Variants in NUMB observed in about 807,000 individuals in gnomAD.
NUMB encodes protein numb homolog.
NUMB carries 29 observed loss-of-function variants against 59.7 expected under a neutral mutation model. The ratio of observed to expected loss-of-function variants is 0.49; its 90% CI spans 0.36 to 0.66. The LOEUF (loss-of-function observed/expected upper bound fraction) is 0.66. Ranked by LOEUF, NUMB falls within the 30% of genes least tolerant of loss-of-function variation. The pLI is 0.00. For missense variants in NUMB, 723 were observed against 822.0 expected, an observed-to-expected ratio of 0.88 and a Z score of 1.47; for synonymous variants, 288 against 288.2, an observed-to-expected ratio of 1.00 and a Z score of 0.01.
At chr14:73,385,847 G>C (rs1272938898) in intron 2 of NUMB, among the ~76,000 whole-genome samples, 2 of 152,116 alleles carry the variant, frequency 1.3e-5, no homozygotes, top group Non-Finnish European at 2.9e-5. Context: ...AACTTGGATG[G>C]TAGTAATGAT....
At chr14:73,393,745 A>T (rs1015446052) in intron 2 of NUMB, among the ~76,000 whole-genome samples, 2 of 152,210 alleles carry the variant, frequency 1.3e-5, no homozygotes, top group Admixed American at 6.5e-5. Flanking sequence ...CTAATCTAAT[A>T]AAAGTCTTTA....
chr14:73,417,623 T>C (rs1278667921), intron 1 of NUMB, among the ~76,000 whole-genome samples: 1 of 151,958 alleles, frequency 6.6e-6, no homozygotes, highest in Non-Finnish European at 1.5e-5. Context: ...GTAAAGCATA[T>C]GGTGGTTACT....
intron 9 of NUMB, among the ~76,000 whole-genome samples, chr14:73,285,858 G>A (rs58992860): frequency 0.064 from 9,681 of 151,316 alleles, 763 homozygotes; most frequent in African/African-American, 0.18. Context: ...CCCAGGAGGT[G>A]AAGGCGGCAG....
At chr14:73,340,553 G>T (rs1226273986) in intron 4 of NUMB, among the ~76,000 whole-genome samples, 1 of 152,144 alleles carries the variant, frequency 6.6e-6, no homozygotes, top group Non-Finnish European at 1.5e-5. Context: ...GATTTTGTCT[G>T]TTCTCTGCTT....
chr14:73,287,303 C>T lies in NUMB; in HGVS notation c.462G>A (p.Leu154=). ...CAAAAGCACAGCCTACTGCATGGCT[C>T]AACCTTTCACCCTGTAAGAGCAGAT... ...FMAVKDTGER[L]SHAVGCAFAA... The change falls in exon 9 of 13, where the codon TTG becomes TTA. Residue 154 remains leucine (L), a synonymous_variant. Transcript: ENST00000555238. 5 of 1,612,102 alleles carry T rather than the reference C, an allele frequency of 3.1e-6. No individual in the cohort carries two copies. Among genetic ancestry groups the T allele is most frequent in the Non-Finnish European group, 4.2e-6 (5 of 1,178,600 alleles).
At chr14:73,414,018 G>A (rs963508421) in intron 1 of NUMB, among the ~76,000 whole-genome samples, 3 of 149,298 alleles carry the variant, frequency 2.0e-5, no homozygotes, top group Non-Finnish European at 3.0e-5. Context: ...GCAGTGGCAC[G>A]ATCTCAGCTC....
rs559298407 is a variant in NUMB at position 73,368,561 on chromosome 14, C to A, written c.-100-1580G>T. On this transcript the variant is annotated intron_variant, in intron 2 of 12. Transcript: ENST00000555238. ...TCGCGCCATTGCACTCCAGCCTGGG[C>A]AACAAGAGCAAGACTCCGTCTCCAA... is the stretch of plus-strand genomic sequence containing the variant. 2.7e-5 allele frequency among the ~76,000 whole-genome samples: 4 copies of A among 148,208 alleles called. No homozygotes were observed. The South Asian group carries it at 6.4e-4, about 24-fold the overall frequency.
In NUMB at chr14:73,323,153, C is replaced by G. The variant is rs1324374861; in HGVS notation, c.178G>C (p.Asp60His). 1 of 1,613,358 alleles carries G rather than the reference C, an allele frequency of 6.2e-7. No individual in the cohort carries two copies. The highest frequency in any genetic ancestry group is 8.5e-7 in the Non-Finnish European group (1 of 1,179,554). Residue 60 changes from aspartate (D) to histidine (H), a missense_variant, in exon 5 of 13, where the codon GAT becomes CAT. By Grantham distance (81) the Asp-to-His change is moderately conservative (BLOSUM62 -1). Around this residue, in one of 2 missense-constraint regions of NUMB, gnomAD observed 317 missense variants for 436.6 expected, o/e 0.73. Transcript: ENST00000555238. ...DESRGMHICE[D>H]AVKRLKAERK... ...ACAGCTTTCAATCTTTTTACAGCATCTTCACAGATGTGCATTCCTCTTGAT... is the reference window on the plus strand; with the variant it reads ...ACAGCTTTCAATCTTTTTACAGCATGTTCACAGATGTGCATTCCTCTTGAT...
chr14:73,402,740 T>C (rs1896479998), intron 2 of NUMB, among the ~76,000 whole-genome samples: 1 of 152,198 alleles, frequency 6.6e-6, no homozygotes. Context: ...GCTTATAAAC[T>C]CAGTAACTTG....
chr14:73,372,313 A>ATATATATATATATATATAACCTTT (rs1566766421), intron 2 of NUMB, among the ~76,000 whole-genome samples: 16 of 98,704 alleles, frequency 1.6e-4, no homozygotes, highest in African/African-American at 6.9e-4. Flanking sequence ...TTTTATATAT[A>ATATATATATATATATATAACCTTT]TATATATATA....
chr14:73,284,799 T>C (rs1566725638), intron 9 of NUMB: 1 of 153,748 alleles, frequency 6.5e-6, no homozygotes, highest in Non-Finnish European at 1.4e-5. Context: ...ATATCTTTGA[T>C]TAGGTGTCAA....
In NUMB at chr14:73,283,151, C is replaced by T. The variant is rs555653836; in HGVS notation, c.950-646G>A. Among the ~76,000 whole-genome samples, 4 of 152,308 alleles carry T rather than the reference C, an allele frequency of 2.6e-5. No individual in the cohort carries two copies. In the East Asian group the frequency reaches 7.7e-4, roughly 29 times the overall value. On this transcript the variant is annotated intron_variant, in intron 10 of 12. Coordinates refer to ENST00000555238, the MANE Select transcript of NUMB (RefSeq NM_001005743.2). ...TCACTGAGGAAGCTAATTATGTGTG[C>T]TAAAGCTCTGTTTGCTCATCTGTAA...
chr14:73,286,234 G>A (rs1229483463), intron 9 of NUMB: 4 of 106,526 alleles, frequency 3.8e-5, no homozygotes, highest in Admixed American at 2.8e-4. Flanking sequence ...AAGGGATAGA[G>A]TCTATGTTGC....
chr14:73,328,611 T>G (rs375041274), intron 4 of NUMB, among the ~76,000 whole-genome samples: 1 of 152,250 alleles, frequency 6.6e-6, no homozygotes, highest in South Asian at 2.1e-4. Flanking sequence ...AATAGGTACA[T>G]AGTGGTATCT....
At chr14:73,328,906 G>A (rs1030036514) in intron 4 of NUMB, among the ~76,000 whole-genome samples, 5 of 152,008 alleles carry the variant, frequency 3.3e-5, no homozygotes, top group South Asian at 4.1e-4. Flanking sequence ...TCGTTCTGTC[G>A]CCCAGGCTGG....
chr14:73,435,602 T>C (rs1898022604), intron 1 of NUMB, among the ~76,000 whole-genome samples: 1 of 151,644 alleles, frequency 6.6e-6, no homozygotes, highest in African/African-American at 2.4e-5. Flanking sequence ...TAAACACACA[T>C]GTGCCCTGTG....
At chr14:73,324,369 A>G (rs1018442093) in intron 4 of NUMB, among the ~76,000 whole-genome samples, 26 of 152,066 alleles carry the variant, frequency 1.7e-4, no homozygotes, top group African/African-American at 6.0e-4. Context: ...TTCAAGTTTG[A>G]TATTTTGTGA....
intron 1 of NUMB, among the ~76,000 whole-genome samples, chr14:73,451,179 A>AAAAAC (rs1566804087): frequency 6.7e-6 from 1 of 148,856 alleles, no homozygotes; most frequent in Non-Finnish European, 1.5e-5. Flanking sequence ...AAAAAACAAA[A>AAAAAC]AACAAATCTA....
intron 6 of NUMB, among the ~76,000 whole-genome samples, chr14:73,299,607 CAT>C (rs1409942000): frequency 1.5e-4 from 22 of 150,016 alleles, no homozygotes; most frequent in African/African-American, 4.0e-4. Flanking sequence ...TATGATATGA[CAT>C]ATATATGTCA....
Sources: allele counts gnomAD v4.1 joint callset (sites outside exome capture counted in the v4.1 genomes callset), GRCh38; gene constraint gnomAD v4.1.1; regional missense constraint gnomAD v4.1.1; transcripts MANE v1.5; gene names NCBI Gene and HGNC (gene_info 2026-07-23, HGNC 2026-07-21).